SOX6: variants seen among roughly 807,000 people sequenced by gnomAD.
The protein encoded by SOX6 is SRY-box transcription factor 6.
A neutral mutation model predicts 97.8 loss-of-function variants in SOX6; 11 were observed. The observed-to-expected ratio is 0.11, with a 90% CI of 0.07 to 0.19. The LOEUF (loss-of-function observed/expected upper bound fraction) is 0.19, where lower values mean the gene tolerates loss of function less well. Ranked by LOEUF, SOX6 falls within the 10% of genes least tolerant of loss-of-function variation. SOX6 has a pLI of 1.00. For synonymous variants in SOX6, 360 were observed against 371.4 expected, an observed-to-expected ratio of 0.97 and a Z score of 0.35; for missense variants, 810 against 1,039.5, an observed-to-expected ratio of 0.78 and a Z score of 3.04.
At chr11:16,006,107 G>A (rs533858086) in intron 13 of SOX6, among the ~76,000 whole-genome samples, 36 of 152,074 alleles carry the variant, frequency 2.4e-4, no homozygotes, top group Non-Finnish European at 3.5e-4. Flanking sequence ...TCTAGTATGC[G>A]TTTGAATGAA....
intron 4 of SOX6, among the ~76,000 whole-genome samples, chr11:16,486,327 A>C (rs1282051685): frequency 1.3e-5 from 2 of 152,168 alleles, no homozygotes; most frequent in African/African-American, 2.4e-5. Context: ...GTTCTCCTTT[A>C]TTCCTTCATG....
intron 9 of SOX6, among the ~76,000 whole-genome samples, chr11:16,090,598 G>A (rs1182201027): frequency 6.6e-6 from 1 of 151,698 alleles, no homozygotes; most frequent in Admixed American, 6.6e-5. Flanking sequence ...ATAAAAGAGT[G>A]TCTCTTATAG....
upstream of SOX6, among the ~76,000 whole-genome samples, chr11:16,359,943 G>A (rs1857166716): frequency 6.6e-6 from 1 of 152,114 alleles, no homozygotes; most frequent in South Asian, 2.1e-4. Flanking sequence ...GCTTAGAAGT[G>A]GTTAAGTAAT....
intron 3 of SOX6, among the ~76,000 whole-genome samples, chr11:16,632,616 G>A (rs1415744732): frequency 1.3e-5 from 2 of 152,188 alleles, no homozygotes; most frequent in African/African-American, 2.4e-5. Flanking sequence ...AAAGGTCCCC[G>A]GAGGGCAGGC....
chr11:16,134,850 C>T (rs557504432), intron 6 of SOX6, among the ~76,000 whole-genome samples: 2 of 152,272 alleles, frequency 1.3e-5, no homozygotes, highest in South Asian at 2.1e-4. Context: ...CTACAATGGC[C>T]TCTAAGTGTT....
chr11:16,513,229 G>A (rs945988969), intron 4 of SOX6, among the ~76,000 whole-genome samples: 2 of 152,246 alleles, frequency 1.3e-5, no homozygotes, highest in South Asian at 2.1e-4. Context: ...CTAAGAAAAT[G>A]TACACAAGCT....
intron 6 of SOX6, among the ~76,000 whole-genome samples, chr11:16,149,245 T>C (rs755105773): frequency 5.9e-5 from 9 of 152,166 alleles, no homozygotes; most frequent in Non-Finnish European, 1.3e-4. Flanking sequence ...TTATTTTATG[T>C]TAAACCATAG....
At chr11:16,107,435 A>T (rs1466386347) in intron 7 of SOX6, among the ~76,000 whole-genome samples, 2 of 147,808 alleles carry the variant, frequency 1.4e-5, no homozygotes, top group Non-Finnish European at 3.0e-5. Context: ...ATACATATAT[A>T]TACACAATTG....
rs976758882 is a variant in SOX6, at chr11:16,605,532, C to T, written n.609+6549G>A. 2.6e-5 allele frequency among the ~76,000 whole-genome samples: 4 copies of T among 151,950 alleles called. No homozygotes were observed. The highest frequency in any genetic ancestry group is 9.7e-5 in the African/African-American group (4 of 41,350). ...GCTGGAGGCAACTCGAGCGGTGTCC[C>T]GAAAAAGTTGCGGCGGAGCGGCGGT... On this transcript the variant is annotated intron_variant and non_coding_transcript_variant, in intron 4 of 5. Transcript: ENST00000524520. This position sits in a 1 kb window ranked among gnomAD's most constrained non-coding sequence, Gnocchi z 5.3.
rs1390449701 is a variant in SOX6, at chr11:16,283,654, C to CATTTTT, written c.445+34786_445+34791dup. The CATTTTT allele has an allele frequency of 3.9e-4, 69 of 175,266 alleles. 1 individual carries two copies. In the Admixed American group the frequency reaches 4.2e-3, roughly 11 times the overall value. The allele number at this position is 175,266 out of a possible 1,614,324, so 10.9% of individuals were successfully genotyped here. A position where few individuals can be genotyped will look rare whatever the true frequency, so the allele number is the denominator to read the frequency against. ...TAAAGGTGCTAAACCTTATTAAGAACATTTTTATTTTTATTTTGTGTTCTT... is the reference window on the plus strand; with the variant it reads ...TAAAGGTGCTAAACCTTATTAAGAACATTTTTATTTTTATTTTTATTTTGTGTTCTT... On this transcript the variant is annotated intron_variant, in intron 3 of 15. Coordinates refer to ENST00000683767, the MANE Select transcript of SOX6 (RefSeq NM_001367873.1).
chr11:16,211,856 T>G (rs1046185425), intron 4 of SOX6, among the ~76,000 whole-genome samples: 34 of 152,146 alleles, frequency 2.2e-4, no homozygotes, highest in Non-Finnish European at 4.9e-4. Context: ...ATGGAAAATA[T>G]GTACCACAGT....
chr11:16,685,041 C>T (rs939923914), intron 3 of SOX6, among the ~76,000 whole-genome samples: 18 of 152,086 alleles, frequency 1.2e-4, no homozygotes, highest in African/African-American at 4.3e-4. Context: ...GAGGACAGCA[C>T]CAAGCCATGA....
At chr11:15,982,004 C>A (rs1853669257) in intron 15 of SOX6, among the ~76,000 whole-genome samples, 2 of 151,662 alleles carry the variant, frequency 1.3e-5, no homozygotes, top group African/African-American at 4.8e-5. Context: ...TAAATGTTTC[C>A]CAAGGGCAAG....
intron 4 of SOX6, among the ~76,000 whole-genome samples, chr11:16,189,009 G>A (rs549373504): frequency 6.6e-6 from 1 of 152,262 alleles, no homozygotes; most frequent in African/African-American, 2.4e-5. Flanking sequence ...GTTGCAGTGA[G>A]CCAAGGCCAT....
At chr11:16,633,034 G>T (rs1848734463) in intron 3 of SOX6, among the ~76,000 whole-genome samples, 1 of 152,150 alleles carries the variant, frequency 6.6e-6, no homozygotes. Flanking sequence ...GCATGAAGTG[G>T]AGAGGGCCTC....
chr11:16,686,130 G>T (rs1229624526), intron 3 of SOX6, among the ~76,000 whole-genome samples: 2 of 152,196 alleles, frequency 1.3e-5, no homozygotes, highest in African/African-American at 4.8e-5. Context: ...GTGATGGAAG[G>T]GGTTGCCACA....
At chr11:16,631,378 G>A (rs907893302) in intron 3 of SOX6, among the ~76,000 whole-genome samples, 1 of 152,138 alleles carries the variant, frequency 6.6e-6, no homozygotes, top group Non-Finnish European at 1.5e-5. Flanking sequence ...TTCTTGGTTG[G>A]AATTTCTTTC....
chr11:16,003,596 G>A (rs1458631864), intron 13 of SOX6, among the ~76,000 whole-genome samples: 1 of 151,966 alleles, frequency 6.6e-6, no homozygotes, highest in African/African-American at 2.4e-5. Flanking sequence ...TAGCCAGGAT[G>A]GCATAAGGTA....
intron 9 of SOX6, among the ~76,000 whole-genome samples, chr11:16,076,965 G>T (rs1232358396): frequency 1.3e-5 from 2 of 151,598 alleles, no homozygotes; most frequent in Non-Finnish European, 2.9e-5. Flanking sequence ...TTGTTAGCCA[G>T]GATGGTCTCG....
Sources: gnomAD v4.1 joint callset for allele counts (sites outside exome capture counted in the v4.1 genomes callset) on GRCh38, gnomAD v4.1.1 for gene constraint, Gnocchi (gnomAD v3.1) non-coding constraint, MANE v1.5 for transcripts, NCBI Gene and HGNC (gene_info 2026-07-23, HGNC 2026-07-21) for gene names.